The following NSF variants were observed in gnomAD, a reference collection of about 807,000 sequenced individuals.
NSF encodes vesicle-fusing ATPase.
NSF carries 14 observed loss-of-function variants against 50.3 expected under a neutral mutation model. The ratio of observed to expected loss-of-function variants is 0.28; its 90% CI spans 0.18 to 0.44. NSF has a LOEUF of 0.44. NSF is among the 20% of genes least tolerant of loss of function. The pLI, the probability that NSF is intolerant of heterozygous loss-of-function variation, is 1.00. For synonymous variants in NSF, 109 were observed against 175.7 expected (o/e 0.62, Z 3.00); for missense variants, 218 against 504.3 (o/e 0.43, Z 5.44).
chr17:46,704,821 C>T lies in NSF; in HGVS notation c.1437C>T (p.Asp479=), dbSNP rs2146247778. Residue 479 remains aspartate, a synonymous_variant, in exon 13 of 21, where the codon GAC becomes GAT. Transcript: ENST00000398238. ...AAAGCCTGCAAGTGACGAGAGGAGACTTCCTTGCTTCTTTGGAGAATGATA... is the reference window on the plus strand; with the variant it reads ...AAAGCCTGCAAGTGACGAGAGGAGATTTCCTTGCTTCTTTGGAGAATGATA... ...KAESLQVTRG[D]FLASLENDIK... 6.2e-7 allele frequency: 1 copy of T among 1,606,938 alleles called. No individual in the cohort carries two copies. Among genetic ancestry groups the T allele is most frequent in the Middle Eastern group, 1.7e-4 (1 of 6,038 alleles).
intron 15 of NSF, among the ~76,000 whole-genome samples, chr17:46,720,053 G>A (rs1436593874): frequency 2.6e-5 from 4 of 152,140 alleles, no homozygotes; most frequent in African/African-American, 9.7e-5. Context: ...GAACAGAATC[G>A]TGATGCCTAA....
At chr17:46,745,916 C>A (rs964060210) in intron 17 of NSF, among the ~76,000 whole-genome samples, 3 of 152,146 alleles carry the variant, frequency 2.0e-5, no homozygotes, top group Non-Finnish European at 4.4e-5. Context: ...TGCCCTTGGA[C>A]TTAGGTATTT....
chr17:46,721,921 T>C (rs988717347), intron 15 of NSF: 68 of 1,593,286 alleles, frequency 4.3e-5, no homozygotes, highest in Non-Finnish European at 5.5e-5. Flanking sequence ...TTTTCTCCAA[T>C]TCGCGTACTA....
chr17:46,709,285 C>T (rs1339808746), intron 13 of NSF, among the ~76,000 whole-genome samples: 1 of 151,516 alleles, frequency 6.6e-6, no homozygotes, highest in Non-Finnish European at 1.5e-5. Context: ...GTAATTTGGC[C>T]ATGAGGAAGT....
chr17:46,712,584 A>C (rs1568040634), intron 14 of NSF, among the ~76,000 whole-genome samples: 1 of 152,222 alleles, frequency 6.6e-6, no homozygotes, highest in African/African-American at 2.4e-5. Context: ...TAGGAGAAGT[A>C]AATCGGAAAT....
At chr17:46,695,225 GAC>G (rs2058584329) in intron 12 of NSF, among the ~76,000 whole-genome samples, 1 of 139,660 alleles carries the variant, frequency 7.2e-6, no homozygotes, top group Non-Finnish European at 1.5e-5. Flanking sequence ...CAGCCTGGGT[GAC>G]AGAGCGAGAT....
intron 8 of NSF, among the ~76,000 whole-genome samples, chr17:46,666,938 T>C (rs1308839221): frequency 1.4e-5 from 2 of 142,914 alleles, no homozygotes; most frequent in African/African-American, 5.0e-5. Context: ...GAATGGGTAC[T>C]ATAATTTGCA....
Position 46,722,147 on chromosome 17 carries a change from C to G in NSF, c.1762-4402C>G, listed in dbSNP as rs902616709. 1.6e-5 allele frequency: 26 copies of G among 1,611,918 alleles called. No homozygotes were observed. The African/African-American group carries it at 2.5e-4, about 16-fold the overall frequency. ...GCTTCTCGCCATTGGGCTTCACGAT[C>G]TTGGCGCTCGAACTGAACATGGCTT... is the stretch of plus-strand genomic sequence containing the variant. On this transcript the variant is annotated intron_variant, in intron 15 of 20. Coordinates refer to ENST00000398238, the MANE Select transcript of NSF (RefSeq NM_006178.4).
chr17:46,715,111 C>T (rs573757225), intron 15 of NSF, among the ~76,000 whole-genome samples: 1 of 152,088 alleles, frequency 6.6e-6, no homozygotes, highest in East Asian at 1.9e-4. Context: ...TGGAGGAAGC[C>T]GAACTTGTAG....
intron 17 of NSF, among the ~76,000 whole-genome samples, chr17:46,739,899 C>T (rs993134280): frequency 6.6e-6 from 1 of 152,028 alleles, no homozygotes; most frequent in African/African-American, 2.4e-5. Flanking sequence ...GAGGTTTCAC[C>T]ATATTGGCCA....
At chr17:46,676,261 T>G (rs2058406574) in intron 9 of NSF, among the ~76,000 whole-genome samples, 1 of 147,732 alleles carries the variant, frequency 6.8e-6, no homozygotes, top group Non-Finnish European at 1.5e-5. Context: ...AGATGGAGTT[T>G]TGCTCTTGTT....
At chr17:46,690,439 T>TA (rs1383256207) in intron 9 of NSF, among the ~76,000 whole-genome samples, 26 of 19,690 alleles carry the variant, frequency 1.3e-3, no homozygotes, top group African/African-American at 6.9e-3. Flanking sequence ...CCATCTCTAC[T>TA]AAAAAAAAAA....
chr17:46,726,671 A>C, intron 16 of NSF, 56 bp downstream of exon 16: 4 of 1,431,928 alleles, frequency 2.8e-6, no homozygotes, highest in Non-Finnish European at 3.9e-6. Flanking sequence ...CTAATATCTC[A>C]AAAGTTACAA....
chr17:46,712,105 G>A (rs1272767974), intron 14 of NSF, among the ~76,000 whole-genome samples: 1 of 152,192 alleles, frequency 6.6e-6, no homozygotes, highest in African/African-American at 2.4e-5. Flanking sequence ...ATACAGAAGA[G>A]ACTAATGGTT....
At chr17:46,722,701 G>A (rs2146285073) in intron 15 of NSF, among the ~76,000 whole-genome samples, 1 of 152,262 alleles carries the variant, frequency 6.6e-6, no homozygotes, top group East Asian at 1.9e-4. Flanking sequence ...GAAGAGTTAT[G>A]AGCACAGGTT....
chr17:46,737,908 ATATTATTATTATTATTAT>A (rs138655503), intron 17 of NSF, among the ~76,000 whole-genome samples: 92,707 of 145,748 alleles, frequency 0.64, 31,687 homozygotes, highest in South Asian at 0.82. Flanking sequence ...TAAAATTAGC[ATATTATTATTATTATTAT>A]TATTATTATT....
In NSF at chr17:46,696,456, C is replaced by A. The variant is rs560403623; in HGVS notation, c.1374+1794C>A. Among the ~76,000 whole-genome samples, 2 of 136,518 alleles carry A rather than the reference C, an allele frequency of 1.5e-5. 1 individual carries two copies. Among genetic ancestry groups the A allele is most frequent in the African/African-American group, 6.2e-5 (2 of 32,346 alleles). The allele number at this position is 136,518 out of a possible 152,430, so 89.6% of individuals were successfully genotyped here. On this transcript the variant is annotated intron_variant, in intron 12 of 20. Transcript: ENST00000398238. Reference sequence around the variant, plus strand: ...CAACTTGTGGGGTGAGAGAAACCTTCATATGCATGTCTGTTGGTAGAGCAG... The same window carrying A: ...CAACTTGTGGGGTGAGAGAAACCTTAATATGCATGTCTGTTGGTAGAGCAG...
intron 9 of NSF, among the ~76,000 whole-genome samples, chr17:46,676,378 A>G: frequency 7.4e-6 from 1 of 135,166 alleles, no homozygotes; most frequent in Non-Finnish European, 1.5e-5. Flanking sequence ...GATTACAGGC[A>G]TGCACCACCA....
At chr17:46,668,552 CA>C (rs2058355530) in intron 8 of NSF, among the ~76,000 whole-genome samples, 1 of 57,322 alleles carries the variant, frequency 1.7e-5, no homozygotes, top group Non-Finnish European at 2.8e-5. Context: ...TTATTATAAC[CA>C]AGAGTTGTTA....
Sources: gnomAD v4.1 joint callset for allele counts (sites outside exome capture counted in the v4.1 genomes callset) on GRCh38, gnomAD v4.1.1 for gene constraint, MANE v1.5 for transcripts, NCBI Gene and HGNC (gene_info 2026-07-23, HGNC 2026-07-21) for gene names.